Variants in RBFOX1 observed in about 807,000 individuals in gnomAD.
RBFOX1 encodes RNA binding protein fox-1 homolog 1.
In RBFOX1, 8 loss-of-function variants were observed where a neutral mutation model predicts 57.7. That is an observed-to-expected ratio of 0.14 (90% CI 0.08 to 0.25). The LOEUF is 0.25. Ranked by LOEUF, RBFOX1 falls within the 10% of genes least tolerant of loss-of-function variation. RBFOX1 has a pLI of 1.00. For missense variants in RBFOX1, 611 were observed against 548.5 expected (o/e 1.11, Z -1.14); for synonymous variants, 326 against 222.4 (o/e 1.47, Z -4.15).
chr16:6,514,894 G>A (rs1182660158), intron 2 of RBFOX1, among the ~76,000 whole-genome samples: 1 of 151,934 alleles, frequency 6.6e-6, no homozygotes, highest in Non-Finnish European at 1.5e-5. Context: ...AAGGGGAGGA[G>A]GAGAAAAAAG....
At chr16:7,640,569 G>T (rs190492843) in intron 11 of RBFOX1, among the ~76,000 whole-genome samples, 60 of 152,318 alleles carry the variant, frequency 3.9e-4, no homozygotes, top group Admixed American at 2.7e-3. Flanking sequence ...AAACTATGTT[G>T]CCCTGGGATT....
intron 2 of RBFOX1, among the ~76,000 whole-genome samples, chr16:5,511,710 A>T (rs886713260): frequency 6.6e-6 from 1 of 152,182 alleles, no homozygotes; most frequent in Non-Finnish European, 1.5e-5. Flanking sequence ...TGAGTGATGA[A>T]ACCAGGATTT....
chr16:5,602,877 T>C (rs1473095801), downstream of RBFOX1, among the ~76,000 whole-genome samples: 1 of 152,228 alleles, frequency 6.6e-6, no homozygotes. Flanking sequence ...CAGTGTGTTC[T>C]GGACTGTTAA....
At chr16:7,251,660 T>C (rs1263826150) in intron 4 of RBFOX1, among the ~76,000 whole-genome samples, 1 of 152,132 alleles carries the variant, frequency 6.6e-6, no homozygotes, top group Non-Finnish European at 1.5e-5. Context: ...CCTCAAGTGA[T>C]CTGCTCACCT....
chr16:5,795,947 C>G (rs910829077), intron 3 of RBFOX1, among the ~76,000 whole-genome samples: 4 of 152,202 alleles, frequency 2.6e-5, no homozygotes, highest in African/African-American at 9.7e-5. Flanking sequence ...CCAGTTGCAT[C>G]AATAGTCCCC....
Position 6,124,323 on chromosome 16 carries a change from C to G in RBFOX1, c.-127+104331C>G, listed in dbSNP as rs540074116. On this transcript the variant is annotated intron_variant, in intron 1 of 15. Coordinates refer to ENST00000550418, the MANE Select transcript of RBFOX1 (RefSeq NM_018723.4). ...CAGAAGCTTGCAGTTATAGCCCCAG[C>G]GTGAAAGTTTTCACTCTGTCTCAGA... is the stretch of plus-strand genomic sequence containing the variant. 5.9e-5 allele frequency among the ~76,000 whole-genome samples: 9 copies of G among 152,214 alleles called. No homozygotes were observed. In the South Asian group the frequency reaches 1.7e-3, roughly 28 times the overall value.
At chr16:5,899,650 T>G (rs947052522) in intron 4 of RBFOX1, among the ~76,000 whole-genome samples, 6 of 152,076 alleles carry the variant, frequency 3.9e-5, no homozygotes, top group African/African-American at 1.4e-4. Context: ...AACCCCTCCC[T>G]GGTGGGTGGT....
At chr16:6,314,365 G>A (rs1002383902) in intron 1 of RBFOX1, among the ~76,000 whole-genome samples, 1 of 152,190 alleles carries the variant, frequency 6.6e-6, no homozygotes, top group African/African-American at 2.4e-5. Context: ...TAGAAAGGAT[G>A]TATATTCTGC....
intron 2 of RBFOX1, among the ~76,000 whole-genome samples, chr16:5,530,929 A>AAT (rs552389444): frequency 3.3e-3 from 268 of 81,402 alleles, no homozygotes; most frequent in Non-Finnish European, 4.9e-3. Flanking sequence ...CTCTACTAAA[A>AAT]ATATAAAAAA....
intron 3 of RBFOX1, among the ~76,000 whole-genome samples, chr16:5,858,137 G>C (rs1009406916): frequency 6.6e-6 from 1 of 152,032 alleles, no homozygotes. Flanking sequence ...CCTCTTAGGA[G>C]CTTTTCCTAA....
At chr16:6,099,801 G>C (rs1378003522) in intron 1 of RBFOX1, among the ~76,000 whole-genome samples, 1 of 152,142 alleles carries the variant, frequency 6.6e-6, no homozygotes, top group African/African-American at 2.4e-5. Context: ...CCAACTCCGG[G>C]CATCCTTCCC....
rs78355186 is a variant in RBFOX1 at position 5,866,739 on chromosome 16, T to C, written c.319-564T>C. 3.4e-3 allele frequency among the ~76,000 whole-genome samples: 518 copies of C among 152,332 alleles called. 2 individuals are homozygous for C. Among genetic ancestry groups the C allele is most frequent in the Non-Finnish European group, 6.2e-3 (419 of 68,024 alleles). On this transcript the variant is annotated intron_variant, in intron 3 of 19. Transcript: ENST00000641259. ...CTTGTACAAACCCCAATATTTTCATTTATGAAATGGGGTCATAAAAGTTAT... is the reference window on the plus strand; with the variant it reads ...CTTGTACAAACCCCAATATTTTCATCTATGAAATGGGGTCATAAAAGTTAT...
intron 3 of RBFOX1, among the ~76,000 whole-genome samples, chr16:6,836,869 C>T (rs1314253802): frequency 2.0e-5 from 3 of 152,140 alleles, no homozygotes; most frequent in Non-Finnish European, 2.9e-5. Flanking sequence ...TACTGCTGAA[C>T]CACAGGGCCT....
intron 2 of RBFOX1, among the ~76,000 whole-genome samples, chr16:5,471,165 C>G (rs2069121675): frequency 6.6e-6 from 1 of 151,368 alleles, no homozygotes; most frequent in African/African-American, 2.4e-5. Context: ...TCATTACAGT[C>G]TCGGCTTTCC....
intron 3 of RBFOX1, among the ~76,000 whole-genome samples, chr16:7,048,466 A>T (rs1392426865): frequency 6.6e-6 from 1 of 151,482 alleles, no homozygotes. Flanking sequence ...TCATCGTATT[A>T]GCCAGGATGG....
intron 3 of RBFOX1, among the ~76,000 whole-genome samples, chr16:6,857,261 A>C (rs2058079291): frequency 6.6e-6 from 1 of 152,130 alleles, no homozygotes; most frequent in Non-Finnish European, 1.5e-5. Flanking sequence ...CCAATCTCTA[A>C]ATAAATCGCA....
At chr16:6,120,858 T>C (rs937056870) in intron 1 of RBFOX1, among the ~76,000 whole-genome samples, 2 of 152,152 alleles carry the variant, frequency 1.3e-5, no homozygotes. Flanking sequence ...ACATTTCTGG[T>C]GTACAGAACA....
At chr16:5,368,902 G>C (rs2065791734) in intron 1 of RBFOX1, among the ~76,000 whole-genome samples, 1 of 152,188 alleles carries the variant, frequency 6.6e-6, no homozygotes, top group Admixed American at 6.5e-5. Context: ...ATATGAGTTA[G>C]GTTTTCTGTG....
At chr16:6,844,173 T>C (rs1270385008) in intron 3 of RBFOX1, among the ~76,000 whole-genome samples, 1 of 151,946 alleles carries the variant, frequency 6.6e-6, no homozygotes, top group African/African-American at 2.4e-5. Flanking sequence ...CCCTTATAGC[T>C]TCTGGAGGAA....
Sources: allele counts gnomAD v4.1 joint callset (sites outside exome capture counted in the v4.1 genomes callset), GRCh38; gene constraint gnomAD v4.1.1; transcripts MANE v1.5; gene names NCBI Gene and HGNC (gene_info 2026-07-23, HGNC 2026-07-21).